MSI2: variants seen among roughly 807,000 people sequenced by gnomAD.
The protein encoded by MSI2 is RNA-binding protein Musashi homolog 2.
MSI2 carries 17 observed loss-of-function variants against 45.6 expected under a neutral mutation model. The ratio of observed to expected loss-of-function variants is 0.37; its 90% CI spans 0.26 to 0.56. The LOEUF (loss-of-function observed/expected upper bound fraction) is 0.56, where lower values mean the gene tolerates loss of function less well. Ranked by LOEUF, MSI2 falls within the 20% of genes least tolerant of loss-of-function variation. The pLI is 0.77. For synonymous variants in MSI2, 156 were observed against 158.2 expected (o/e 0.99, Z 0.11); for missense variants, 293 against 444.2 (o/e 0.66, Z 3.06).
intron 5 of MSI2, among the ~76,000 whole-genome samples, chr17:57,309,594 T>G (rs768598817): frequency 2.0e-5 from 3 of 152,184 alleles, no homozygotes; most frequent in Non-Finnish European, 2.9e-5. Context: ...ATGCAATAAA[T>G]ATTGGGAAAT....
Position 57,612,548 on chromosome 17 carries a change from C to A in MSI2, c.538-3422C>A, listed in dbSNP as rs1177872323. ...CCTGGAGAGTGTATGCGCCATGGCC[C>A]CTGGCCTTGGGGAACACTCACCGTT... On this transcript the variant is annotated intron_variant, in intron 8 of 13. Coordinates refer to ENST00000284073, the MANE Select transcript of MSI2 (RefSeq NM_138962.4). Among the ~76,000 whole-genome samples, 2 of 151,446 alleles carry A rather than the reference C, an allele frequency of 1.3e-5. 1 individual carries two copies. Among genetic ancestry groups the A allele is most frequent in the Non-Finnish European group, 2.9e-5 (2 of 67,886 alleles).
intron 5 of MSI2, among the ~76,000 whole-genome samples, chr17:57,320,221 A>G (rs778925626): frequency 1.1e-4 from 16 of 152,290 alleles, no homozygotes; most frequent in African/African-American, 1.4e-4. Context: ...TTCTTGTTCA[A>G]TACTTGCTTG....
rs1024956744 is a variant in MSI2 at position 57,596,898 on chromosome 17, A to T, written c.485A>T (p.Asp162Val). The T allele has an allele frequency of 3.7e-6, 6 of 1,613,546 alleles. No individual in the cohort carries two copies. Among genetic ancestry groups the T allele is most frequent in the Admixed American group, 1.7e-5 (1 of 60,006 alleles). ...GFGFVTFENE[D>V]VVEKVCEIHF... The stretch of plus-strand genomic sequence containing the variant: ...GGCTTTGTCACTTTTGAGAATGAAG[A>T]TGTTGTGGAGAAAGTCTGTGAGATT... The change falls in exon 8 of 14, where the codon GAT becomes GTT. Residue 162 changes from aspartate to valine, a missense_variant. Physicochemically the swap from Asp to Val is radical, Grantham distance 152. Coordinates refer to ENST00000284073, the MANE Select transcript of MSI2 (RefSeq NM_138962.4). The surrounding 1 kb of genome is among the most constrained non-coding windows in gnomAD (Gnocchi z 4.6).
At chr17:57,672,752 A>C (rs1912894536) in intron 11 of MSI2, among the ~76,000 whole-genome samples, 1 of 152,360 alleles carries the variant, frequency 6.6e-6, no homozygotes, top group East Asian at 1.9e-4. Context: ...CAAAACCAGG[A>C]GTCCACTGTC....
At chr17:57,375,796 A>T (rs1235446545) in intron 5 of MSI2, among the ~76,000 whole-genome samples, 9 of 152,214 alleles carry the variant, frequency 5.9e-5, no homozygotes, top group African/African-American at 2.2e-4. Context: ...AAATTTAGAG[A>T]TAAAGGATGA....
intron 11 of MSI2, among the ~76,000 whole-genome samples, chr17:57,670,674 A>G (rs945321027): frequency 2.0e-5 from 3 of 152,182 alleles, no homozygotes; most frequent in South Asian, 2.1e-4. Flanking sequence ...CAGGCCCAAG[A>G]TGATTAAATG....
In MSI2 at chr17:57,256,558, C is replaced by G; in HGVS notation, c.-185C>G. The G allele has an allele frequency of 2.9e-6, 1 of 341,846 alleles. No homozygotes were observed. The highest frequency in any genetic ancestry group is 4.2e-5 in the East Asian group (1 of 23,832). 21.2% of individuals were successfully genotyped at this position (341,846 alleles called of 1,614,324 possible). A position where few individuals can be genotyped will look rare whatever the true frequency, so the allele number is the denominator to read the frequency against. ...GCGGGGCTGAGCTAAGCCGAGCCCA[C>G]GTGTGACGGCTCTCGCCGCTGCCCC... On this transcript the variant is annotated 5_prime_UTR_variant, in exon 1 of 14. Transcript: ENST00000284073.
At chr17:57,584,373 T>C (rs185900953) in intron 7 of MSI2, among the ~76,000 whole-genome samples, 31 of 152,212 alleles carry the variant, frequency 2.0e-4, no homozygotes, top group Admixed American at 1.7e-3. Context: ...TGCAAACCAC[T>C]CATCAGAGGC....
At chr17:57,294,478 A>T (rs578143711) in intron 5 of MSI2, among the ~76,000 whole-genome samples, 1 of 152,320 alleles carries the variant, frequency 6.6e-6, no homozygotes, top group South Asian at 2.1e-4. Flanking sequence ...CTTCCTGCTA[A>T]TGTTTCCAAG....
At position 57,285,812 on chromosome 17, in the gene MSI2, C is replaced by T. The variant is rs963951570; in HGVS notation, c.312+23620C>T. ...TTAGAAATGTTTTCTTTTCTCCTTG[C>T]CCGTCAGTTAGCCAAGCCTCCTACC... On this transcript the variant is annotated intron_variant, in intron 5 of 13. Transcript: ENST00000284073. 16 of 1,388,034 alleles carry T rather than the reference C, an allele frequency of 1.2e-5. No homozygotes were observed. In the African/African-American group the frequency reaches 2.3e-4, roughly 20 times the overall value. The allele number at this position is 1,388,034 out of a possible 1,614,324, so 86.0% of individuals were successfully genotyped here. A position where few individuals can be genotyped will look rare whatever the true frequency, so the allele number is the denominator to read the frequency against.
At chr17:57,312,463 C>G (rs1912478763) in intron 5 of MSI2, among the ~76,000 whole-genome samples, 1 of 152,140 alleles carries the variant, frequency 6.6e-6, no homozygotes, top group Non-Finnish European at 1.5e-5. Context: ...TGGGATGCCT[C>G]CCCTGGGGAG....
At chr17:57,573,416 C>G (rs1446505115) in intron 7 of MSI2, among the ~76,000 whole-genome samples, 1 of 152,136 alleles carries the variant, frequency 6.6e-6, no homozygotes, top group Non-Finnish European at 1.5e-5. Flanking sequence ...CAGATTCATT[C>G]ATTCATTTGA....
intron 5 of MSI2, among the ~76,000 whole-genome samples, chr17:57,390,210 A>C (rs551896040): frequency 1.3e-5 from 2 of 152,218 alleles, no homozygotes; most frequent in African/African-American, 4.8e-5. Flanking sequence ...AGCTATAGTC[A>C]TGCCACTGGC....
chr17:57,608,024 G>A (rs1906818727), intron 8 of MSI2, among the ~76,000 whole-genome samples: 1 of 152,164 alleles, frequency 6.6e-6, no homozygotes, highest in Non-Finnish European at 1.5e-5. Flanking sequence ...TGAGATTTGG[G>A]CGGAGACAAA....
chr17:57,260,384 T>C (rs555383532), intron 4 of MSI2, among the ~76,000 whole-genome samples: 71 of 152,296 alleles, frequency 4.7e-4, no homozygotes, highest in Non-Finnish European at 9.6e-4. Flanking sequence ...TCTTTAGTAC[T>C]TCACTTTCTT....
intron 11 of MSI2, among the ~76,000 whole-genome samples, chr17:57,657,370 T>A (rs1478255045): frequency 1.3e-5 from 2 of 152,066 alleles, no homozygotes; most frequent in African/African-American, 4.8e-5. Context: ...CTGTCAGGCT[T>A]CAGGGCTGCT....
chr17:57,322,627 G>A lies in MSI2; in HGVS notation c.312+60435G>A, dbSNP rs545053746. 3.9e-4 allele frequency among the ~76,000 whole-genome samples: 59 copies of A among 152,212 alleles called. 2 individuals carry two copies. The South Asian group carries it at 0.012, about 31-fold the overall frequency. On this transcript the variant is annotated intron_variant, in intron 5 of 13. Transcript: ENST00000284073. ...ACCACGTACCACTCACTCAAACCAGGAGCTGCATCCCTGGCCGTCAGATTT... is the reference window on the plus strand; with the variant it reads ...ACCACGTACCACTCACTCAAACCAGAAGCTGCATCCCTGGCCGTCAGATTT...
the MSI2 span, among the ~76,000 whole-genome samples, chr17:57,699,516 G>A: frequency 1.3e-5 from 2 of 150,762 alleles, no homozygotes; most frequent in East Asian, 3.9e-4. Context: ...ACTTCCACGT[G>A]CTAAGCCTTC....
At chr17:57,678,666 T>C (rs1252081781) in intron 13 of MSI2, among the ~76,000 whole-genome samples, 1 of 148,178 alleles carries the variant, frequency 6.7e-6, no homozygotes, top group African/African-American at 2.4e-5. Flanking sequence ...AGCCTTTCCA[T>C]AGGGGTGGGG....
Sources: allele counts gnomAD v4.1 joint callset (sites outside exome capture counted in the v4.1 genomes callset), GRCh38; gene constraint gnomAD v4.1.1; non-coding constraint Gnocchi (gnomAD v3.1); transcripts MANE v1.5; gene names NCBI Gene and HGNC (gene_info 2026-07-23, HGNC 2026-07-21).